Variants in LRRC37A2 observed in about 807,000 individuals in gnomAD.
The protein encoded by LRRC37A2 is leucine-rich repeat-containing protein 37A2.
In LRRC37A2, 9 loss-of-function variants were observed where a neutral mutation model predicts 68.8. The ratio of observed to expected loss-of-function variants is 0.13; its 90% CI spans 0.08 to 0.23. The LOEUF (loss-of-function observed/expected upper bound fraction) is 0.23, where lower values mean the gene tolerates loss of function less well. Among genes scored for constraint, LRRC37A2 ranks in the 10% least tolerant of loss-of-function variants. The pLI, the probability that LRRC37A2 is intolerant of heterozygous loss-of-function variation, is 1.00. For synonymous variants in LRRC37A2, 63 were observed against 367.6 expected (o/e 0.17, Z 9.48); for missense variants, 168 against 950.4 (o/e 0.18, Z 10.82).
At chr17:46,925,760 C>T in the LRRC37A2 span, among the ~76,000 whole-genome samples, 5 of 152,192 alleles carry the variant, frequency 3.3e-5, no homozygotes, top group African/African-American at 4.8e-5. Flanking sequence ...TATCTCTTGC[C>T]GTGTCACTGA....
chr17:46,555,009 CG>C (rs2057168695), intron 12 of LRRC37A2, 142 bp from the exon 12 acceptor site: 2 of 474,500 alleles, frequency 4.2e-6, no homozygotes, highest in African/African-American at 1.8e-4. Context: ...TTCAAGACCC[CG>C]GGTATGTGGT....
At chr17:46,732,956 G>C in the LRRC37A2 span, among the ~76,000 whole-genome samples, 1 of 152,246 alleles carries the variant, frequency 6.6e-6, no homozygotes, top group Non-Finnish European at 1.5e-5. Context: ...CTGTCACACA[G>C]AGGTTTCACA....
chr17:47,033,445 G>A, the LRRC37A2 span: 1 of 690,066 alleles, frequency 1.4e-6, no homozygotes, highest in South Asian at 1.5e-5. Flanking sequence ...TATTGGGTGA[G>A]GGTCTAGGTC....
the LRRC37A2 span, among the ~76,000 whole-genome samples, chr17:46,896,690 G>A: frequency 2.0e-5 from 3 of 152,250 alleles, no homozygotes; most frequent in South Asian, 2.1e-4. Context: ...AAGGCAAAGC[G>A]ACAGCTTGGC....
chr17:46,907,646 G>A, the LRRC37A2 span, among the ~76,000 whole-genome samples: 1 of 145,482 alleles, frequency 6.9e-6, no homozygotes, highest in African/African-American at 2.6e-5. Context: ...ATACCAGCCT[G>A]GGCAACATAG....
At chr17:46,798,050 TCCC>T in the LRRC37A2 span, among the ~76,000 whole-genome samples, 1 of 152,126 alleles carries the variant, frequency 6.6e-6, no homozygotes, top group Admixed American at 6.6e-5. Context: ...TGCCTCAGCC[TCCC>T]GAGTAGCTAG....
the LRRC37A2 span, among the ~76,000 whole-genome samples, chr17:46,388,394 CAA>C: frequency 2.7e-4 from 12 of 44,648 alleles, 1 homozygote; most frequent in African/African-American, 3.3e-4. Flanking sequence ...ACTAAAAATA[CAA>C]AAAAAAAAAA....
At chr17:47,040,023 TTCTA>T in the LRRC37A2 span, among the ~76,000 whole-genome samples, 6 of 152,010 alleles carry the variant, frequency 3.9e-5, no homozygotes, top group African/African-American at 1.4e-4. Context: ...TTTTTATGGT[TTCTA>T]TCTCTTTATT....
At chr17:46,721,993 T>A in the LRRC37A2 span, 9 of 1,607,910 alleles carry the variant, frequency 5.6e-6, no homozygotes, top group African/African-American at 1.3e-5. Flanking sequence ...TTATGATAGC[T>A]TTCCGACCAC....
chr17:46,404,864 T>C, the LRRC37A2 span, among the ~76,000 whole-genome samples: 1 of 79,628 alleles, frequency 1.3e-5, no homozygotes, highest in Non-Finnish European at 3.3e-5. Flanking sequence ...AGTGAGACTC[T>C]GTCTCAAACA....
the LRRC37A2 span, among the ~76,000 whole-genome samples, chr17:46,850,513 C>A: frequency 1.3e-5 from 2 of 152,214 alleles, no homozygotes; most frequent in African/African-American, 4.8e-5. Context: ...GTCGCAGTCA[C>A]TTGATGTTCC....
the LRRC37A2 span, among the ~76,000 whole-genome samples, chr17:46,575,176 C>T: frequency 9.0e-6 from 1 of 111,250 alleles, no homozygotes; most frequent in South Asian, 3.9e-4. Flanking sequence ...GTAATGTTCA[C>T]ATGCCACCTG....
At chr17:46,757,997 A>G in the LRRC37A2 span, among the ~76,000 whole-genome samples, 1 of 147,986 alleles carries the variant, frequency 6.8e-6, no homozygotes, top group Non-Finnish European at 1.5e-5. Context: ...TTGTCTCAGA[A>G]AAAGAAAAAA....
At chr17:46,707,663 C>T in the LRRC37A2 span, among the ~76,000 whole-genome samples, 2 of 152,072 alleles carry the variant, frequency 1.3e-5, no homozygotes, top group Non-Finnish European at 1.5e-5. Context: ...GCTTATTTGA[C>T]GTAGCATAAT....
chr17:46,854,743 C>A, the LRRC37A2 span, among the ~76,000 whole-genome samples: 1 of 152,044 alleles, frequency 6.6e-6, no homozygotes, highest in Non-Finnish European at 1.5e-5. Flanking sequence ...TCACTGCAAC[C>A]GCCACCTCCT....
At chr17:46,938,586 T>C in the LRRC37A2 span, 1 of 1,613,578 alleles carries the variant, frequency 6.2e-7, no homozygotes, top group African/African-American at 1.3e-5. Context: ...TTTTCTGTTC[T>C]CTTCTGCCCC....
the LRRC37A2 span, chr17:46,875,094 G>C: frequency 3.0e-5 from 48 of 1,613,386 alleles, no homozygotes; most frequent in Non-Finnish European, 4.1e-5. Context: ...CTGGGTGCCC[G>C]ATCCAGGCTT....
chr17:46,888,769 G>T, the LRRC37A2 span, among the ~76,000 whole-genome samples: 1 of 152,102 alleles, frequency 6.6e-6, no homozygotes, highest in Non-Finnish European at 1.5e-5. Flanking sequence ...GCAGCATACC[G>T]TTCATAGCAG....
chr17:46,966,452 A>G, the LRRC37A2 span: 10,990 of 601,890 alleles, frequency 0.018, 213 homozygotes, highest in African/African-American at 0.073. Context: ...GGCTTAAGCA[A>G]TCCTCCCATC....
Sources: gnomAD v4.1 joint callset for allele counts (sites outside exome capture counted in the v4.1 genomes callset) on GRCh38, gnomAD v4.1.1 for gene constraint, MANE v1.5 for transcripts, NCBI Gene and HGNC (gene_info 2026-07-23, HGNC 2026-07-21) for gene names.